The following ZNF248 variants were observed in gnomAD, a reference collection of about 807,000 sequenced individuals.
ZNF248 encodes the protein KRAB protein domain.
In ZNF248, 20 loss-of-function variants were observed where a neutral mutation model predicts 44.3. That is an observed-to-expected ratio of 0.45 (90% CI 0.32 to 0.66). The LOEUF (loss-of-function observed/expected upper bound fraction) is 0.66. ZNF248 is among the 30% of genes least tolerant of loss of function. ZNF248 has a pLI of 0.04. For synonymous variants in ZNF248, 224 were observed against 229.0 expected, an observed-to-expected ratio of 0.98 and a Z score of 0.20; for missense variants, 654 against 677.0, an observed-to-expected ratio of 0.97 and a Z score of 0.38.
chr10:37,798,011 C>T (rs916224221), intron 6 of ZNF248, among the ~76,000 whole-genome samples: 32 of 152,044 alleles, frequency 2.1e-4, no homozygotes, highest in African/African-American at 6.8e-4. Flanking sequence ...TATACACAAA[C>T]GCACAGCAGC....
chr10:37,827,326 A>G (rs1026546412), downstream of ZNF248, among the ~76,000 whole-genome samples: 20 of 152,232 alleles, frequency 1.3e-4, no homozygotes, highest in Admixed American at 3.9e-4. Flanking sequence ...GCTTACCGGT[A>G]AGGCCCACTT....
At chr10:37,792,856 A>G (rs182684152) in intron 6 of ZNF248, among the ~76,000 whole-genome samples, 2 of 152,208 alleles carry the variant, frequency 1.3e-5, no homozygotes, top group Non-Finnish European at 1.5e-5. Context: ...ACTGGATGCC[A>G]GTCTACAGAA....
chr10:37,766,441 G>A, the ZNF248 span, among the ~76,000 whole-genome samples: 1 of 152,192 alleles, frequency 6.6e-6, no homozygotes, highest in African/African-American at 2.4e-5. Flanking sequence ...AGCAGCATTT[G>A]CGGTTCACCA....
downstream of ZNF248, chr10:37,828,752 T>C: frequency 1.0e-6 from 1 of 985,362 alleles, no homozygotes; most frequent in African/African-American, 1.7e-5. Context: ...AAGGGTGAAT[T>C]AATCAAACAG....
intron 6 of ZNF248, among the ~76,000 whole-genome samples, chr10:37,785,857 A>G (rs2047822820): frequency 6.6e-6 from 1 of 152,240 alleles, no homozygotes; most frequent in Non-Finnish European, 1.5e-5. Context: ...TTGGAACAGG[A>G]TTGGAAGACT....
chr10:37,761,110 C>T, the ZNF248 span, among the ~76,000 whole-genome samples: 2 of 152,184 alleles, frequency 1.3e-5, no homozygotes, highest in African/African-American at 4.8e-5. Flanking sequence ...GACACATTTT[C>T]TCAACAGGGT....
intron 6 of ZNF248, among the ~76,000 whole-genome samples, chr10:37,782,234 G>GT (rs1313180519): frequency 1.3e-5 from 2 of 152,188 alleles, no homozygotes; most frequent in Admixed American, 6.5e-5. Context: ...GAAACAGATT[G>GT]TTTTTTTGAG....
chr10:37,837,502 G>C, intron 5 of ZNF248, 115 bp downstream of exon 5: 1 of 797,280 alleles, frequency 1.3e-6, no homozygotes, highest in Non-Finnish European at 2.0e-6. Context: ...ATTTCCAAAG[G>C]TCTGGGGCTA....
the ZNF248 span, among the ~76,000 whole-genome samples, chr10:37,766,626 T>A: frequency 1.3e-5 from 2 of 152,130 alleles, no homozygotes; most frequent in South Asian, 4.1e-4. Context: ...CCCTTCTGTA[T>A]GTCACCATCA....
intron 1 of ZNF248, chr10:37,856,806 A>AACT: frequency 1.2e-6 from 1 of 828,746 alleles, no homozygotes; most frequent in Non-Finnish European, 1.5e-6. Context: ...TTTAATGAGA[A>AACT]ACTGTGATAT....
the ZNF248 span, among the ~76,000 whole-genome samples, chr10:37,764,817 C>T: frequency 3.3e-5 from 5 of 152,158 alleles, no homozygotes; most frequent in African/African-American, 9.7e-5. Context: ...TATTTTATGT[C>T]ATATTTTGTG....
intron 6 of ZNF248, among the ~76,000 whole-genome samples, chr10:37,822,395 A>G (rs922641964): frequency 6.1e-5 from 9 of 148,758 alleles, no homozygotes; most frequent in Non-Finnish European, 1.2e-4. Flanking sequence ...TGGAAAAACT[A>G]TATATATATT....
intron 3 of ZNF248, among the ~76,000 whole-genome samples, chr10:37,855,668 C>A (rs2061159430): frequency 6.6e-6 from 1 of 152,170 alleles, no homozygotes; most frequent in African/African-American, 2.4e-5. Flanking sequence ...ATGCAGCAGA[C>A]CAGGCAAGTA....
At chr10:37,819,431 T>G in intron 6 of ZNF248, 2 of 1,572,950 alleles carry the variant, frequency 1.3e-6, no homozygotes, top group Non-Finnish European at 1.7e-6. Flanking sequence ...TCTCCAGTTT[T>G]TATTTAACTG....
chr10:37,770,483 C>G, the ZNF248 span, among the ~76,000 whole-genome samples: 17 of 152,304 alleles, frequency 1.1e-4, no homozygotes, highest in Non-Finnish European at 1.9e-4. Flanking sequence ...CTACAACCAT[C>G]TGATCTTTGA....
At chr10:37,856,360 T>TG in intron 2 of ZNF248, 23 bp from the exon 3 acceptor site, 1 of 1,612,638 alleles carries the variant, frequency 6.2e-7, no homozygotes, top group Non-Finnish European at 8.5e-7. Flanking sequence ...AAAGGAAGAA[T>TG]GTCAGGAGAG....
chr10:37,774,139 A>G (rs1004302725), downstream of ZNF248, among the ~76,000 whole-genome samples: 1 of 152,118 alleles, frequency 6.6e-6, no homozygotes. Flanking sequence ...CTCTCCTGAC[A>G]GCCACCAGAA....
chr10:37,853,279 G>GA (rs2060645494), intron 3 of ZNF248, among the ~76,000 whole-genome samples: 1 of 152,172 alleles, frequency 6.6e-6, no homozygotes, highest in Non-Finnish European at 1.5e-5. Context: ...AAAGAAAAGA[G>GA]AAAATCTCAT....
rs1019482634 is a variant in ZNF248 at position 37,854,760 on chromosome 10, T to C, written c.15+1536A>G. ...TTATTCATTACCACATGGTTTGTCA[T>C]AGCAAACAGCTGGAAGTAGTTTAAT... On this transcript the variant is annotated intron_variant, in intron 3 of 5. Coordinates refer to ENST00000395867, the MANE Select transcript of ZNF248 (RefSeq NM_021045.3). Among the ~76,000 whole-genome samples the C allele has an allele frequency of 2.6e-5, 4 of 152,370 alleles. No individual in the cohort carries two copies. In the South Asian group the frequency reaches 6.2e-4, roughly 24 times the overall value.
Sources: allele counts gnomAD v4.1 joint callset (sites outside exome capture counted in the v4.1 genomes callset), GRCh38; gene constraint gnomAD v4.1.1; transcripts MANE v1.5; gene names NCBI Gene and HGNC (gene_info 2026-07-23, HGNC 2026-07-21).